The following LARP4B variants were observed in gnomAD, a reference collection of about 807,000 sequenced individuals.
LARP4B encodes la-related protein 4B.
A neutral mutation model predicts 89.8 loss-of-function variants in LARP4B; 12 were observed. That is an observed-to-expected ratio of 0.13 (90% CI 0.09 to 0.22). LARP4B has a LOEUF of 0.22. Ranked by LOEUF, LARP4B falls within the 10% of genes least tolerant of loss-of-function variation. LARP4B has a pLI of 1.00. For missense variants in LARP4B, 757 were observed against 947.7 expected (o/e 0.80, Z 2.64); for synonymous variants, 367 against 363.3 (o/e 1.01, Z -0.12).
the LARP4B span, among the ~76,000 whole-genome samples, chr10:974,458 G>T: frequency 6.6e-6 from 1 of 152,322 alleles, no homozygotes; most frequent in Non-Finnish European, 1.5e-5. Flanking sequence ...CCCACGGCCT[G>T]TGTGCTCTCA....
chr10:914,277 A>G (rs1228125827), intron 1 of LARP4B, among the ~76,000 whole-genome samples: 1 of 152,194 alleles, frequency 6.6e-6, no homozygotes, highest in African/African-American at 2.4e-5. Flanking sequence ...AAACAATTTT[A>G]TATACAGAGC....
chr10:852,518 C>T (rs983551281), intron 5 of LARP4B, among the ~76,000 whole-genome samples: 15 of 152,188 alleles, frequency 9.9e-5, no homozygotes, highest in African/African-American at 2.7e-4. Flanking sequence ...CCACCACTAA[C>T]GTTATACTTC....
chr10:897,156 G>A (rs1836210928), intron 1 of LARP4B, among the ~76,000 whole-genome samples: 1 of 152,142 alleles, frequency 6.6e-6, no homozygotes, highest in Admixed American at 6.5e-5. Context: ...AATCAAGCCA[G>A]CATGGTACTG....
At chr10:869,666 C>T (rs1485691080) in intron 3 of LARP4B, among the ~76,000 whole-genome samples, 1 of 151,998 alleles carries the variant, frequency 6.6e-6, no homozygotes, top group African/African-American at 2.4e-5. Context: ...GCGGGTGGAT[C>T]TCCTGAGGTC....
intron 15 of LARP4B, among the ~76,000 whole-genome samples, chr10:816,322 G>A (rs1370172006): frequency 6.6e-6 from 1 of 152,236 alleles, no homozygotes; most frequent in African/African-American, 2.4e-5. Flanking sequence ...GCAAGTCAGA[G>A]TGACCATCAC....
chr10:943,845 T>A, the LARP4B span, among the ~76,000 whole-genome samples: 1 of 151,802 alleles, frequency 6.6e-6, no homozygotes, highest in African/African-American at 2.4e-5. Flanking sequence ...GCTTTCTTGG[T>A]GGTGTCCACG....
At chr10:859,640 T>G (rs920266761) in intron 5 of LARP4B, among the ~76,000 whole-genome samples, 2 of 152,204 alleles carry the variant, frequency 1.3e-5, no homozygotes. Flanking sequence ...TGTCCTTCAG[T>G]AGGTGAATGA....
the LARP4B span, among the ~76,000 whole-genome samples, chr10:967,264 G>A: frequency 1.3e-3 from 200 of 152,234 alleles, no homozygotes; most frequent in African/African-American, 4.6e-3. Context: ...ACACTTCAAG[G>A]AATAAAAATG....
chr10:897,361 C>T (rs186544173), intron 1 of LARP4B, among the ~76,000 whole-genome samples: 13 of 152,226 alleles, frequency 8.5e-5, no homozygotes, highest in African/African-American at 2.2e-4. Flanking sequence ...CCTCAACATA[C>T]ACAAAAATTA....
At chr10:870,619 GA>G (rs1306497181) in intron 3 of LARP4B, among the ~76,000 whole-genome samples, 1 of 152,134 alleles carries the variant, frequency 6.6e-6, no homozygotes, top group Non-Finnish European at 1.5e-5. Flanking sequence ...TTCCTTCTTT[GA>G]AATGGTGTGC....
chr10:882,262 T>A (rs1186951890), intron 3 of LARP4B, among the ~76,000 whole-genome samples: 2 of 152,212 alleles, frequency 1.3e-5, no homozygotes, highest in Non-Finnish European at 2.9e-5. Context: ...AAGTTTTTTT[T>A]TTTAATGAAC....
intron 3 of LARP4B, among the ~76,000 whole-genome samples, chr10:881,559 G>A (rs2131917957): frequency 6.6e-6 from 1 of 152,238 alleles, no homozygotes; most frequent in African/African-American, 2.4e-5. Flanking sequence ...CTGATATATT[G>A]AGGGAATCGA....
chr10:951,091 T>G, the LARP4B span, among the ~76,000 whole-genome samples: 5 of 152,176 alleles, frequency 3.3e-5, no homozygotes, highest in African/African-American at 9.7e-5. Flanking sequence ...TAGCTAGGAC[T>G]GCTAGCACCA....
At chr10:871,053 T>C (rs920696030) in intron 3 of LARP4B, among the ~76,000 whole-genome samples, 1 of 152,378 alleles carries the variant, frequency 6.6e-6, no homozygotes, top group South Asian at 2.1e-4. Context: ...TGTGTACCTG[T>C]TTCCCACTCA....
At chr10:867,236 A>T (rs552451724) in intron 3 of LARP4B, among the ~76,000 whole-genome samples, 1 of 152,348 alleles carries the variant, frequency 6.6e-6, no homozygotes, top group South Asian at 2.1e-4. Flanking sequence ...GCTTAATGAC[A>T]TTCAAGGATC....
At chr10:961,694 G>A in the LARP4B span, among the ~76,000 whole-genome samples, 2 of 152,174 alleles carry the variant, frequency 1.3e-5, no homozygotes, top group Admixed American at 1.3e-4. Context: ...CAGAGATGAT[G>A]TGGCCAGAGA....
chr10:971,245 T>C, the LARP4B span: 7 of 152,228 alleles, frequency 4.6e-5, no homozygotes, highest in African/African-American at 1.7e-4. Context: ...GACATGCTTA[T>C]AAAAATTATT....
chr10:977,434 G>C, the LARP4B span, among the ~76,000 whole-genome samples: 12 of 152,030 alleles, frequency 7.9e-5, no homozygotes, highest in Admixed American at 3.3e-4. Flanking sequence ...AGCTATTCGG[G>C]AGGCTGAGGC....
chr10:966,320 G>C, the LARP4B span, among the ~76,000 whole-genome samples: 1 of 152,146 alleles, frequency 6.6e-6, no homozygotes, highest in Non-Finnish European at 1.5e-5. Flanking sequence ...GCTGGGCATG[G>C]TGGCGCACAC....
Sources: gnomAD v4.1 joint callset for allele counts (sites outside exome capture counted in the v4.1 genomes callset) on GRCh38, gnomAD v4.1.1 for gene constraint, MANE v1.5 for transcripts, NCBI Gene and HGNC (gene_info 2026-07-23, HGNC 2026-07-21) for gene names.